FTCDNL1: variants seen among roughly 807,000 people sequenced by gnomAD.
FTCDNL1 encodes the protein formiminotransferase cyclodeaminase N-terminal like, also known as formiminotransferase N-terminal subdomain-containing protein.
A neutral mutation model predicts 5.9 loss-of-function variants in FTCDNL1; 11 were observed. That is an observed-to-expected ratio of 1.87 (90% CI 1.18 to 3.10). The LOEUF is 3.10. Among genes scored for constraint, FTCDNL1 ranks in the 30% most tolerant of loss-of-function variants. The probability of loss-of-function intolerance (pLI) is 0.00; values close to 1 mark genes in which losing one functional copy is unlikely to be tolerated. For synonymous variants in FTCDNL1, 58 were observed against 24.8 expected (o/e 2.34, Z -3.99); for missense variants, 115 against 65.5 (o/e 1.76, Z -2.61).
At chr2:199,794,646 G>A (rs1164093285) in intron 3 of FTCDNL1, among the ~76,000 whole-genome samples, 1 of 152,202 alleles carries the variant, frequency 6.6e-6, no homozygotes, top group African/African-American at 2.4e-5. Flanking sequence ...GGGAGGCTAA[G>A]GCAAGTGGAT....
At chr2:199,804,837 A>G (rs1559202669), downstream of FTCDNL1, among the ~76,000 whole-genome samples, 1 of 152,218 alleles carries the variant, frequency 6.6e-6, no homozygotes, top group African/African-American at 2.4e-5. Context: ...TAAGCATTTC[A>G]AAAGAGATCA....
downstream of FTCDNL1, among the ~76,000 whole-genome samples, chr2:199,804,961 G>A (rs1330449449): frequency 2.0e-5 from 3 of 152,236 alleles, no homozygotes; most frequent in Middle Eastern, 3.2e-3. Context: ...TCAGAGCCTA[G>A]AAGCTGAAAG....
intron 4 of FTCDNL1, among the ~76,000 whole-genome samples, chr2:199,814,712 T>A (rs546197005): frequency 2.8e-4 from 42 of 152,276 alleles, no homozygotes; most frequent in Middle Eastern, 3.4e-3. Context: ...TTTTTCATCA[T>A]CCCAACTAGG....
chr2:199,722,499 A>G, the FTCDNL1 span, among the ~76,000 whole-genome samples: 1 of 152,174 alleles, frequency 6.6e-6, no homozygotes, highest in African/African-American at 2.4e-5. Context: ...TTTTTGTACC[A>G]GTACCATGCT....
At chr2:199,846,231 T>G in intron 2 of FTCDNL1, 61 bp from the exon 3 acceptor site, 1 of 635,006 alleles carries the variant, frequency 1.6e-6, no homozygotes, top group East Asian at 2.7e-5. Flanking sequence ...CCTTAATAGT[T>G]AATTTCTTCT....
chr2:199,700,702 T>A, the FTCDNL1 span, among the ~76,000 whole-genome samples: 1 of 152,072 alleles, frequency 6.6e-6, no homozygotes, highest in Admixed American at 6.6e-5. Flanking sequence ...AACAGACACA[T>A]AGAACAAGTT....
At chr2:199,682,411 C>T in the FTCDNL1 span, among the ~76,000 whole-genome samples, 3,351 of 152,254 alleles carry the variant, frequency 0.022, 54 homozygotes, top group Non-Finnish European at 0.037. Context: ...TGTTTATATA[C>T]ATCCTACCAG....
chr2:199,754,716 C>T, the FTCDNL1 span, among the ~76,000 whole-genome samples: 1 of 152,124 alleles, frequency 6.6e-6, no homozygotes, highest in Non-Finnish European at 1.5e-5. Context: ...ATCCTGTGAA[C>T]GTTGTTCACA....
At chr2:199,845,735 T>G (rs1026855888) in intron 3 of FTCDNL1, among the ~76,000 whole-genome samples, 22 of 151,800 alleles carry the variant, frequency 1.4e-4, no homozygotes, top group African/African-American at 5.3e-4. Context: ...TATGCCAGCT[T>G]AGCAGTGAAA....
At chr2:199,681,313 G>A in the FTCDNL1 span, among the ~76,000 whole-genome samples, 9 of 152,126 alleles carry the variant, frequency 5.9e-5, no homozygotes, top group East Asian at 1.2e-3. Context: ...AAAATTACCC[G>A]GGTGTGGTGG....
chr2:199,764,984 T>G (rs1299707020), intron 3 of FTCDNL1, among the ~76,000 whole-genome samples: 2 of 152,262 alleles, frequency 1.3e-5, no homozygotes. Context: ...TCAGTGCCAC[T>G]CATGGGTAAA....
At chr2:199,755,112 A>G in the FTCDNL1 span, among the ~76,000 whole-genome samples, 6,589 of 152,296 alleles carry the variant, frequency 0.043, 210 homozygotes, top group Admixed American at 0.084. Flanking sequence ...CATCTCCAAA[A>G]GAGGAGAAAT....
chr2:199,677,869 A>G, the FTCDNL1 span, among the ~76,000 whole-genome samples: 1 of 152,226 alleles, frequency 6.6e-6, no homozygotes, highest in African/African-American at 2.4e-5. Context: ...AATACTGGAG[A>G]TGACAGTACA....
the FTCDNL1 span, among the ~76,000 whole-genome samples, chr2:199,682,457 G>A: frequency 9.2e-5 from 14 of 152,054 alleles, no homozygotes; most frequent in Non-Finnish European, 1.5e-4. Flanking sequence ...TAATACAACT[G>A]TACTATATAT....
chr2:199,771,306 A>G (rs1321252178), intron 3 of FTCDNL1, among the ~76,000 whole-genome samples: 1 of 152,162 alleles, frequency 6.6e-6, no homozygotes, highest in Non-Finnish European at 1.5e-5. Context: ...GACAATGAGT[A>G]TTCTACCCCT....
At chr2:199,669,413 C>A in the FTCDNL1 span, among the ~76,000 whole-genome samples, 2 of 152,174 alleles carry the variant, frequency 1.3e-5, no homozygotes, top group African/African-American at 2.4e-5. Flanking sequence ...TGACCATTCC[C>A]TTCTCTTCTA....
chr2:199,692,304 T>C, the FTCDNL1 span, among the ~76,000 whole-genome samples: 1 of 152,286 alleles, frequency 6.6e-6, no homozygotes, highest in African/African-American at 2.4e-5. Context: ...GAGAATAAGA[T>C]GTGTTTTGTT....
the FTCDNL1 span, among the ~76,000 whole-genome samples, chr2:199,742,268 T>C: frequency 3.3e-5 from 5 of 152,070 alleles, no homozygotes; most frequent in Non-Finnish European, 7.4e-5. Context: ...CATGAAGACT[T>C]ACACCCTGCT....
the FTCDNL1 span, among the ~76,000 whole-genome samples, chr2:199,745,791 T>C: frequency 6.6e-6 from 1 of 152,198 alleles, no homozygotes; most frequent in African/African-American, 2.4e-5. Flanking sequence ...AAATGCATAT[T>C]GCACGCAGAT....
Sources: allele counts gnomAD v4.1 joint callset (sites outside exome capture counted in the v4.1 genomes callset), GRCh38; gene constraint gnomAD v4.1.1; transcripts MANE v1.5; gene names NCBI Gene and HGNC (gene_info 2026-07-23, HGNC 2026-07-21).